The following SPAG17 variants were observed in gnomAD, a reference collection of about 807,000 sequenced individuals.
SPAG17 encodes the protein sperm-associated antigen 17.
A neutral mutation model predicts 273.6 loss-of-function variants in SPAG17; 169 were observed. The ratio of observed to expected loss-of-function variants is 0.62; its 90% CI spans 0.55 to 0.70. SPAG17 has a LOEUF of 0.70. Ranked by LOEUF, SPAG17 falls within the 30% of genes least tolerant of loss-of-function variation. SPAG17 has a pLI of 0.00. For missense variants in SPAG17, 2,557 were observed against 2,627.8 expected, an observed-to-expected ratio of 0.97 and a Z score of 0.59; for synonymous variants, 825 against 873.2, an observed-to-expected ratio of 0.94 and a Z score of 0.97.
At chr1:117,963,315 TTATAA>T (rs1379744351) in intron 48 of SPAG17, 1 of 152,308 alleles carries the variant, frequency 6.6e-6, no homozygotes, top group African/African-American at 2.4e-5. Context: ...GCATTACATT[TTATAA>T]TATATATAAA....
intron 4 of SPAG17, among the ~76,000 whole-genome samples, chr1:118,110,261 C>T (rs748937971): frequency 1.3e-5 from 2 of 151,980 alleles, no homozygotes; most frequent in Non-Finnish European, 2.9e-5. Context: ...AGAGTGGACA[C>T]TGTGATAATG....
At chr1:117,996,187 T>A (rs1199623105) in intron 34 of SPAG17, among the ~76,000 whole-genome samples, 183 bp downstream of exon 34, 1 of 152,022 alleles carries the variant, frequency 6.6e-6, no homozygotes, top group African/African-American at 2.4e-5. Flanking sequence ...TAAATTCAAG[T>A]AGCTATATAA....
chr1:118,149,196 CT>C (rs1486930763), intron 3 of SPAG17, among the ~76,000 whole-genome samples: 2 of 152,150 alleles, frequency 1.3e-5, no homozygotes, highest in Non-Finnish European at 2.9e-5. Context: ...AATGGACCCC[CT>C]GAGTGAAGAA....
chr1:118,160,159 T>G (rs924692911), intron 1 of SPAG17, among the ~76,000 whole-genome samples: 1 of 152,208 alleles, frequency 6.6e-6, no homozygotes, highest in Non-Finnish European at 1.5e-5. Flanking sequence ...AAAGGAGATC[T>G]CTTTTCATCA....
Position 117,996,759 on chromosome 1 carries a change from T to C in SPAG17, c.4777-16A>G, listed in dbSNP as rs1419530091. On this transcript the variant is annotated splice_polypyrimidine_tract_variant and intron_variant, in intron 32 of 48. Coordinates refer to ENST00000336338, the MANE Select transcript of SPAG17 (RefSeq NM_206996.4). ...CAGCCATGACCTAAGGGATAAAGTATGTAAGCAACTAAAAGAAAAGAAAGT... is the reference window on the plus strand; with the variant it reads ...CAGCCATGACCTAAGGGATAAAGTACGTAAGCAACTAAAAGAAAAGAAAGT... The C allele has an allele frequency of 2.9e-5, 46 of 1,576,314 alleles. No individual in the cohort carries two copies. The highest frequency in any genetic ancestry group is 3.7e-5 in the Non-Finnish European group (43 of 1,167,942).
At chr1:118,126,821 A>C (rs1464745845) in intron 3 of SPAG17, among the ~76,000 whole-genome samples, 8 of 152,134 alleles carry the variant, frequency 5.3e-5, no homozygotes, top group Non-Finnish European at 8.8e-5. Flanking sequence ...ATAGTTTTAG[A>C]TCTTACATTT....
intron 1 of SPAG17, among the ~76,000 whole-genome samples, chr1:118,168,651 A>G (rs975304462): frequency 2.0e-5 from 3 of 152,224 alleles, no homozygotes; most frequent in African/African-American, 7.2e-5. Context: ...GTGCTGGAAC[A>G]TATATTCTGT....
At position 118,023,328 on chromosome 1, in the gene SPAG17, A is replaced by T. The variant is rs756075264; in HGVS notation, c.4045T>A (p.Ser1349Thr). ...CCTTTCTTTGTGTTGGTAATCTCAG[A>T]TGGTATCGTTTCTGATTTCTGCTGA... ...ISQQKSETIP[S>T]EITNTKKGKS... Residue 1349 changes from serine (S) to threonine (T), a missense_variant, in exon 28 of 49, where the codon TCT becomes ACT. By Grantham distance (58) the Ser-to-Thr change is moderately conservative (BLOSUM62 1). Transcript: ENST00000336338. 5 of 1,611,566 alleles carry T rather than the reference A, an allele frequency of 3.1e-6. No homozygotes were observed. In the Admixed American group the frequency reaches 6.7e-5, roughly 22 times the overall value.
intron 32 of SPAG17, among the ~76,000 whole-genome samples, chr1:118,000,991 G>T (rs1329297390): frequency 6.6e-6 from 1 of 152,076 alleles, no homozygotes; most frequent in African/African-American, 2.4e-5. Context: ...TTTGAGATAC[G>T]TTCCATTGAT....
At chr1:118,004,091 G>C (rs1442189094) in intron 32 of SPAG17, among the ~76,000 whole-genome samples, 5 of 152,098 alleles carry the variant, frequency 3.3e-5, no homozygotes, top group Non-Finnish European at 7.4e-5. Flanking sequence ...AGGTCTGTTG[G>C]AGTTTGCTGG....
chr1:118,101,782 A>T lies in SPAG17; in HGVS notation c.592T>A (p.Leu198Ile). The T allele has an allele frequency of 6.2e-7, 1 of 1,613,920 alleles. No individual in the cohort carries two copies. The highest frequency in any genetic ancestry group is 1.1e-5 in the South Asian group (1 of 91,068). Reference sequence around the variant, plus strand: ...TGGTCGTCTTCTCCTCTCCGCTTTAACTGGGTGGTCTTTTTCACTGGTGCA... The same window carrying T: ...TGGTCGTCTTCTCCTCTCCGCTTTATCTGGGTGGTCTTTTTCACTGGTGCA... The part of the protein sequence containing the change: ...ANAPVKKTTQ[L>I]KRRGEDDHTN... Residue 198 changes from leucine to isoleucine, a missense_variant, in exon 5 of 49, where the codon TTA becomes ATA. Coordinates refer to ENST00000336338, the MANE Select transcript of SPAG17 (RefSeq NM_206996.4).
intron 20 of SPAG17, among the ~76,000 whole-genome samples, chr1:118,052,651 T>C (rs1347078443): frequency 1.3e-5 from 2 of 152,008 alleles, no homozygotes; most frequent in Admixed American, 6.6e-5. Context: ...CATTATGTTG[T>C]ACACCAGAAA....
Position 118,120,917 on chromosome 1 carries a change from A to G in SPAG17, c.316-5476T>C, listed in dbSNP as rs1482264118. 2.6e-5 allele frequency among the ~76,000 whole-genome samples: 4 copies of G among 152,228 alleles called. No homozygotes were observed. The East Asian group carries it at 7.7e-4, about 29-fold the overall frequency. Reference sequence around the variant, plus strand: ...ATATTTTGAGATTTTTATTTATTATAGAATGAAAGGAACTAGTGGCTGATG... The same window carrying G: ...ATATTTTGAGATTTTTATTTATTATGGAATGAAAGGAACTAGTGGCTGATG... On this transcript the variant is annotated intron_variant, in intron 3 of 48. Coordinates refer to ENST00000336338, the MANE Select transcript of SPAG17 (RefSeq NM_206996.4).
rs138392299 is a variant in SPAG17, at chr1:118,076,177, A to G, written c.2210-1577T>C. Among the ~76,000 whole-genome samples, 52 of 152,266 alleles carry G rather than the reference A, an allele frequency of 3.4e-4. 1 individual carries two copies. In the East Asian group the frequency reaches 9.7e-3, roughly 28 times the overall value. On this transcript the variant is annotated intron_variant, in intron 15 of 48. Transcript: ENST00000336338. Reference sequence around the variant, plus strand: ...ATATAGAGAAATTAGAAATGTGGGAAAAAACCTACAACAAAGCCTTATTCT... The same window carrying G: ...ATATAGAGAAATTAGAAATGTGGGAGAAAACCTACAACAAAGCCTTATTCT...
chr1:118,175,557 G>T (rs1660653878), intron 1 of SPAG17, among the ~76,000 whole-genome samples: 2 of 146,966 alleles, frequency 1.4e-5, no homozygotes, highest in Admixed American at 1.4e-4. Flanking sequence ...AGGGATTCGG[G>T]TGACATTTTC....
intron 25 of SPAG17, 123 bp from the exon 26 acceptor site, chr1:118,028,517 T>G (rs1476185772): frequency 2.5e-6 from 3 of 1,185,730 alleles, no homozygotes; most frequent in Non-Finnish European, 3.5e-6. Flanking sequence ...AGGTGGCCCC[T>G]GCAAGGACGC....
chr1:118,138,092 G>A (rs1658459856), intron 3 of SPAG17, among the ~76,000 whole-genome samples: 1 of 152,108 alleles, frequency 6.6e-6, no homozygotes, highest in African/African-American at 2.4e-5. Context: ...TCTGTCTGGG[G>A]ATCATGACCC....
intron 1 of SPAG17, among the ~76,000 whole-genome samples, chr1:118,178,833 A>T (rs1660811726): frequency 6.6e-6 from 1 of 152,044 alleles, no homozygotes; most frequent in African/African-American, 2.4e-5. Flanking sequence ...CAATCTGAAA[A>T]AAAATCAATA....
chr1:118,038,195 T>C (rs922564538), intron 23 of SPAG17, among the ~76,000 whole-genome samples: 3 of 152,216 alleles, frequency 2.0e-5, no homozygotes, highest in African/African-American at 7.2e-5. Flanking sequence ...TTCAATATTA[T>C]TTGTTATCCA....
Sources: allele counts gnomAD v4.1 joint callset (sites outside exome capture counted in the v4.1 genomes callset), GRCh38; gene constraint gnomAD v4.1.1; transcripts MANE v1.5; gene names NCBI Gene and HGNC (gene_info 2026-07-23, HGNC 2026-07-21).